YTHDC1: variants seen among roughly 807,000 people sequenced by gnomAD.
YTHDC1 encodes YTH domain-containing protein 1.
Under a neutral mutation model 107.0 loss-of-function variants are expected in YTHDC1, and 12 were observed. The ratio of observed to expected loss-of-function variants is 0.11; its 90% CI spans 0.07 to 0.18. The LOEUF (loss-of-function observed/expected upper bound fraction) is 0.18, where lower values mean the gene tolerates loss of function less well. Ranked by LOEUF, YTHDC1 falls within the 10% of genes least tolerant of loss-of-function variation. The pLI, the probability that YTHDC1 is intolerant of heterozygous loss-of-function variation, is 1.00. For synonymous variants in YTHDC1, 280 were observed against 289.5 expected (o/e 0.97, Z 0.33); for missense variants, 635 against 898.8 (o/e 0.71, Z 3.75).
chr4:68,340,033 A>G (rs1724640543), intron 1 of YTHDC1, among the ~76,000 whole-genome samples: 1 of 152,166 alleles, frequency 6.6e-6, no homozygotes, highest in South Asian at 2.1e-4. Flanking sequence ...AAGGTGTGCC[A>G]AAGAGGAAGT....
At chr4:68,319,405 C>T (rs1193983595) in intron 12 of YTHDC1, among the ~76,000 whole-genome samples, 1 of 152,054 alleles carries the variant, frequency 6.6e-6, no homozygotes, top group Non-Finnish European at 1.5e-5. Flanking sequence ...TAATAAGAAC[C>T]CAACAAATTA....
intron 9 of YTHDC1, among the ~76,000 whole-genome samples, chr4:68,325,973 A>AAAGTAGAAAG (rs1180099312): frequency 7.2e-5 from 11 of 152,146 alleles, no homozygotes; most frequent in African/African-American, 2.7e-4. Context: ...GAAAGACTAG[A>AAAGTAGAAAG]ACAAGTCCAC....
At chr4:68,316,158 C>G in intron 16 of YTHDC1, 156 bp downstream of exon 16, 2 of 825,846 alleles carry the variant, frequency 2.4e-6, no homozygotes, top group Non-Finnish European at 3.5e-6. Flanking sequence ...GGGGCATAAT[C>G]AGGCATTTTT....
At position 68,341,816 on chromosome 4, in the gene YTHDC1, A is replaced by C. The variant is rs532222500; in HGVS notation, c.29-3432T>G. ...TATAGCTTGCATTTAGGTATCAGGA[A>C]ATTCCCAGTCTTTCTGAGTTCAAGA... is the stretch of plus-strand genomic sequence containing the variant. On this transcript the variant is annotated intron_variant, in intron 1 of 16. Transcript: ENST00000344157. 2.6e-5 allele frequency among the ~76,000 whole-genome samples: 4 copies of C among 152,294 alleles called. No homozygotes were observed. In the East Asian group the frequency reaches 7.7e-4, roughly 29 times the overall value.
At chr4:68,348,668 G>A (rs983173220) in intron 1 of YTHDC1, among the ~76,000 whole-genome samples, 1 of 152,062 alleles carries the variant, frequency 6.6e-6, no homozygotes, top group Non-Finnish European at 1.5e-5. Flanking sequence ...CTCTCCTGAT[G>A]CAGAAACCAG....
rs184882649 is a variant in YTHDC1 at position 68,327,093 on chromosome 4, G to A, written c.1350-2870C>T. 2.4e-3 allele frequency among the ~76,000 whole-genome samples: 371 copies of A among 151,656 alleles called. 4 individuals are homozygous for A. Among genetic ancestry groups the A allele is most frequent in the African/African-American group, 8.2e-3 (340 of 41,420 alleles). ...CTCTACTAAAAATAAAAAATTAGCC[G>A]GGCGTGGTGGCACATGCCTGTAATC... On this transcript the variant is annotated intron_variant, in intron 9 of 16. Transcript: ENST00000344157.
intron 1 of YTHDC1, among the ~76,000 whole-genome samples, chr4:68,343,860 TA>T (rs1438803003): frequency 6.6e-6 from 1 of 152,180 alleles, no homozygotes; most frequent in Non-Finnish European, 1.5e-5. Context: ...GAAATAAGCT[TA>T]ATGAAACAAT....
chr4:68,346,078 C>T (rs368786017), intron 1 of YTHDC1, among the ~76,000 whole-genome samples: 12 of 132,682 alleles, frequency 9.0e-5, no homozygotes, highest in South Asian at 2.5e-4. Flanking sequence ...TGTGTGTGTA[C>T]ATATATATAT....
At position 68,322,310 on chromosome 4, in the gene YTHDC1, G is replaced by A. The variant is rs937960890; in HGVS notation, c.1601+439C>T. Among the ~76,000 whole-genome samples, 5 of 152,126 alleles carry A rather than the reference G, an allele frequency of 3.3e-5. No individual in the cohort carries two copies. The highest frequency in any genetic ancestry group is 4.4e-5 in the Non-Finnish European group (3 of 68,020). ...CGTCATCTTCTGAAAAAATATTAGT[G>A]ATCCTTTATAAAAGTCCCATATCTG... On this transcript the variant is annotated intron_variant, in intron 11 of 16. Transcript: ENST00000344157. The surrounding 1 kb of genome is among the most constrained non-coding windows in gnomAD (Gnocchi z 4.8).
intron 1 of YTHDC1, among the ~76,000 whole-genome samples, chr4:68,339,198 G>A (rs1724547558): frequency 6.6e-6 from 1 of 152,154 alleles, no homozygotes; most frequent in Admixed American, 6.5e-5. Context: ...CAACATCATG[G>A]ACCTCCTGTA....
chr4:68,349,987 C>T lies in YTHDC1; in HGVS notation c.-234G>A. 1.6e-6 allele frequency: 1 copy of T among 613,700 alleles called. No homozygotes were observed. The highest frequency in any genetic ancestry group is 2.8e-6 in the Non-Finnish European group (1 of 351,280). 38.0% of individuals were successfully genotyped at this position (613,700 alleles called of 1,614,324 possible). On this transcript the variant is annotated 5_prime_UTR_variant, in exon 1 of 17. Transcript: ENST00000344157. ...TAGGCCCAGCCTTCTCGTTAGGGCT[C>T]AGACTCGGGCTAGGTATGGGGGAGG...
Position 68,313,953 on chromosome 4 carries a change from G to T in YTHDC1, c.*146C>A. On this transcript the variant is annotated 3_prime_UTR_variant, in exon 17 of 17. Coordinates refer to ENST00000344157, the MANE Select transcript of YTHDC1 (RefSeq NM_001031732.4). ...CCAGTTCTTATGATACTGCATGCTT[G>T]GAACAAAGGGGGTCATAATAAATCC... 2.3e-6 allele frequency: 2 copies of T among 858,744 alleles called. No individual in the cohort carries two copies. The highest frequency in any genetic ancestry group is 3.6e-6 in the Non-Finnish European group (2 of 551,218). The allele number at this position is 858,744 out of a possible 1,614,324, so 53.2% of individuals were successfully genotyped here.
rs991922786 is a variant in YTHDC1, at chr4:68,313,962, G to A, written c.*137C>T. ...ATGATACTGCATGCTTGGAACAAAGGGGGTCATAATAAATCCTTCTACACA... is the reference window on the plus strand; with the variant it reads ...ATGATACTGCATGCTTGGAACAAAGAGGGTCATAATAAATCCTTCTACACA... On this transcript the variant is annotated 3_prime_UTR_variant, in exon 17 of 17. Transcript: ENST00000344157. The A allele has an allele frequency of 2.2e-6, 2 of 904,040 alleles. No homozygotes were observed. The allele number at this position is 904,040 out of a possible 1,614,324, so 56.0% of individuals were successfully genotyped here. A position where few individuals can be genotyped will look rare whatever the true frequency, so the allele number is the denominator to read the frequency against.
chr4:68,336,016 TATATA>T (rs1412034983), intron 4 of YTHDC1, among the ~76,000 whole-genome samples: 1 of 147,868 alleles, frequency 6.8e-6, no homozygotes, highest in Non-Finnish European at 1.5e-5. Context: ...TAGTATAAAA[TATATA>T]GTATAGATAT....
chr4:68,345,345 G>A (rs1335742949), intron 1 of YTHDC1, among the ~76,000 whole-genome samples: 1 of 151,890 alleles, frequency 6.6e-6, no homozygotes, highest in African/African-American at 2.4e-5. Flanking sequence ...TAGTATTTAA[G>A]GAAAGTTAAA....
In YTHDC1 at chr4:68,337,786, T is replaced by C. The variant is rs140408313; in HGVS notation, c.245A>G (p.Lys82Arg). ...KPLSSSVSNN[K>R]RIVSTKGKSA... is the part of the protein sequence containing the mutation. ...CTTTCCTTTTGTACTAACTATTCTT[T>C]TGTTATTGCTAACAGATGAGCTCAG... The change falls in exon 3 of 17, where the codon AAA becomes AGA. Residue 82 changes from lysine to arginine, a missense_variant. Physicochemically the swap from Lys to Arg is conservative, Grantham distance 26. Transcript: ENST00000344157. The C allele has an allele frequency of 3.7e-5, 60 of 1,614,074 alleles. No individual in the cohort carries two copies. The highest frequency in any genetic ancestry group is 4.8e-5 in the Non-Finnish European group (57 of 1,180,040).
intron 15 of YTHDC1, 61 bp from the exon 16 acceptor site, chr4:68,316,509 T>C: frequency 1.3e-6 from 2 of 1,554,536 alleles, no homozygotes; most frequent in Non-Finnish European, 8.7e-7. Flanking sequence ...CAAGCGATTC[T>C]TAGAACCCTT....
chr4:68,334,495 C>G (rs1578053954), intron 4 of YTHDC1, among the ~76,000 whole-genome samples: 1 of 152,104 alleles, frequency 6.6e-6, no homozygotes, highest in South Asian at 2.1e-4. Context: ...GACTCAAGGG[C>G]AGGTCCTCTG....
At chr4:68,330,907 GGAAT>G (rs1030339015) in intron 7 of YTHDC1, among the ~76,000 whole-genome samples, 3 of 152,026 alleles carry the variant, frequency 2.0e-5, no homozygotes, top group African/African-American at 7.2e-5. Flanking sequence ...AAAAAGAAAT[GGAAT>G]AATAAGGCAG....
Sources: gnomAD v4.1 joint callset for allele counts (sites outside exome capture counted in the v4.1 genomes callset) on GRCh38, gnomAD v4.1.1 for gene constraint, Gnocchi (gnomAD v3.1) non-coding constraint, MANE v1.5 for transcripts, NCBI Gene and HGNC (gene_info 2026-07-23, HGNC 2026-07-21) for gene names.